Variants in TAF2 observed in about 807,000 individuals in gnomAD.
TAF2 encodes transcription initiation factor TFIID subunit 2.
A neutral mutation model predicts 138.5 loss-of-function variants in TAF2; 61 were observed. That is an observed-to-expected ratio of 0.44 (90% CI 0.36 to 0.54). The LOEUF (loss-of-function observed/expected upper bound fraction) is 0.54. TAF2 is among the 20% of genes least tolerant of loss of function. The pLI, the probability that TAF2 is intolerant of heterozygous loss-of-function variation, is 0.00. For synonymous variants in TAF2, 475 were observed against 469.9 expected (o/e 1.01, Z -0.14); for missense variants, 1,090 against 1,427.9 (o/e 0.76, Z 3.81).
chr8:119,802,061 A>G (rs949296248), intron 5 of TAF2, 36 bp from the exon 6 acceptor site: 33 of 1,520,394 alleles, frequency 2.2e-5, no homozygotes, highest in Non-Finnish European at 2.8e-5. Context: ...AAATGTATTC[A>G]AAGAGTTCTC....
intron 25 of TAF2, among the ~76,000 whole-genome samples, chr8:119,737,406 AT>A (rs2130977352): frequency 6.6e-6 from 1 of 152,234 alleles, no homozygotes; most frequent in South Asian, 2.1e-4. Flanking sequence ...AAGACTGACC[AT>A]GAACCAATTA....
chr8:119,799,979 G>A (rs13328369), intron 6 of TAF2, among the ~76,000 whole-genome samples: 5,180 of 152,132 alleles, frequency 0.034, 157 homozygotes, highest in South Asian at 0.11. Flanking sequence ...CATATCCTTC[G>A]CCCATTTTTT....
intron 18 of TAF2, among the ~76,000 whole-genome samples, chr8:119,764,711 A>G (rs931086630): frequency 6.6e-6 from 1 of 152,310 alleles, no homozygotes; most frequent in Non-Finnish European, 1.5e-5. Flanking sequence ...ATCACTATAC[A>G]AAGTAGAAAG....
intron 18 of TAF2, among the ~76,000 whole-genome samples, chr8:119,775,376 G>A (rs1355816072): frequency 6.6e-6 from 1 of 151,172 alleles, no homozygotes; most frequent in Non-Finnish European, 1.5e-5. Context: ...GGGTACATTT[G>A]AGGGCTTCCA....
rs1020816930 is a variant in TAF2, at chr8:119,744,991, G to A, written c.3109-598C>T. On this transcript the variant is annotated intron_variant, in intron 23 of 25. Transcript: ENST00000378164. ...GACTTCCTCTTCACTCCCTGCTGAT[G>A]AGCTGATATATTACATGATGCTTCC... 1.3e-5 allele frequency: 6 copies of A among 456,078 alleles called. No individual in the cohort carries two copies. The East Asian group carries it at 3.5e-4, about 26-fold the overall frequency. The allele number at this position is 456,078 out of a possible 1,614,324, so 28.3% of individuals were successfully genotyped here.
chr8:119,758,280 G>T (rs1336600522), intron 20 of TAF2, 138 bp from the exon 21 acceptor site: 4 of 710,748 alleles, frequency 5.6e-6, no homozygotes, highest in Non-Finnish European at 9.4e-6. Context: ...AAGGTTATAG[G>T]TAAGCTCTTA....
chr8:119,748,460 T>C (rs1253477192), intron 22 of TAF2, among the ~76,000 whole-genome samples: 1 of 151,054 alleles, frequency 6.6e-6, no homozygotes, highest in Non-Finnish European at 1.5e-5. Context: ...TATAATGTTG[T>C]GAAAGAGCTC....
chr8:119,786,679 T>TG (rs1554649609), intron 14 of TAF2, among the ~76,000 whole-genome samples: 1 of 152,106 alleles, frequency 6.6e-6, no homozygotes, highest in South Asian at 2.1e-4. Context: ...CCCAGCATTT[T>TG]GGGGGGCCGA....
chr8:119,791,415 A>G lies in TAF2; in HGVS notation c.1322T>C (p.Leu441Pro). ...LHFSIKHPHT[L>P]SWEYYSMFQC... Reference sequence around the variant, plus strand: ...AAACATACTGTAGTATTCCCAGGACAGTGTATGTGGATGCTTTATTGAAAA... The same window carrying G: ...AAACATACTGTAGTATTCCCAGGACGGTGTATGTGGATGCTTTATTGAAAA... The change falls in exon 11 of 26, where the codon CTG becomes CCG. Residue 441 changes from leucine to proline, a missense_variant. This residue lies in a region of TAF2 where 504 missense variants were observed against 680.9 expected (regional missense o/e 0.74). Transcript: ENST00000378164. The G allele has an allele frequency of 6.2e-7, 1 of 1,613,802 alleles. No homozygotes were observed. Among genetic ancestry groups the G allele is most frequent in the Admixed American group, 1.7e-5 (1 of 60,006 alleles).
At chr8:119,791,566 T>C in intron 10 of TAF2, 107 bp from the exon 11 acceptor site, 5 of 1,290,530 alleles carry the variant, frequency 3.9e-6, no homozygotes, top group South Asian at 2.7e-5. Flanking sequence ...CAGGAGAATA[T>C]ATAAGCAATT....
At chr8:119,800,361 T>C (rs1201501740) in intron 6 of TAF2, among the ~76,000 whole-genome samples, 1 of 152,230 alleles carries the variant, frequency 6.6e-6, no homozygotes, top group Non-Finnish European at 1.5e-5. Flanking sequence ...TTTCTACATA[T>C]GGCTAGCCAG....
intron 17 of TAF2, among the ~76,000 whole-genome samples, chr8:119,778,516 T>C (rs1261171595): frequency 1.3e-5 from 2 of 152,252 alleles, no homozygotes; most frequent in Non-Finnish European, 1.5e-5. Context: ...TAGCATTAGA[T>C]GGACCATTAT....
Position 119,757,924 on chromosome 8 carries a change from A to G in TAF2, c.2768+149T>C, listed in dbSNP as rs555180662. The G allele has an allele frequency of 4.6e-3, 3,435 of 740,878 alleles. 15 individuals are homozygous for G. The highest frequency in any genetic ancestry group is 6.4e-3 in the Non-Finnish European group (2,802 of 435,998). The allele number at this position is 740,878 out of a possible 1,614,324, so 45.9% of individuals were successfully genotyped here. A position where few individuals can be genotyped will look rare whatever the true frequency, so the allele number is the denominator to read the frequency against. On this transcript the variant is annotated intron_variant, in intron 21 of 25. Transcript: ENST00000378164. ...AAAAAAACAAATAACTTTTATGTTGAAAATCAAATTTAAAAAGGACATGAA... is the reference window on the plus strand; with the variant it reads ...AAAAAAACAAATAACTTTTATGTTGGAAATCAAATTTAAAAAGGACATGAA...
intron 25 of TAF2, among the ~76,000 whole-genome samples, chr8:119,733,172 GAAC>G (rs1475308286): frequency 2.0e-5 from 3 of 152,114 alleles, no homozygotes. Context: ...GCCATCTGGA[GAAC>G]AACTGATATA....
At chr8:119,789,771 A>C (rs753261600) in intron 11 of TAF2, 25 bp from the exon 12 acceptor site, 1 of 1,605,904 alleles carries the variant, frequency 6.2e-7, no homozygotes, top group South Asian at 1.1e-5. Flanking sequence ...TCATTTAGTA[A>C]ATTCATATAA....
intron 2 of TAF2, among the ~76,000 whole-genome samples, chr8:119,829,456 C>T (rs1405844788): frequency 6.6e-6 from 1 of 152,112 alleles, no homozygotes; most frequent in East Asian, 1.9e-4. Flanking sequence ...AGGGTTCCTC[C>T]ACCTCATGTT....
chr8:119,743,653 C>A (rs565850443), intron 24 of TAF2, among the ~76,000 whole-genome samples: 3 of 152,196 alleles, frequency 2.0e-5, no homozygotes, highest in Admixed American at 2.0e-4. Flanking sequence ...AGACATGTAT[C>A]TCACAATATA....
At chr8:119,775,267 A>G (rs796428147) in intron 18 of TAF2, among the ~76,000 whole-genome samples, 4 of 144,132 alleles carry the variant, frequency 2.8e-5, no homozygotes, top group African/African-American at 1.0e-4. Flanking sequence ...GCAACAAAGC[A>G]AGATTCCATC....
chr8:119,797,650 A>T lies in TAF2; in HGVS notation c.977+12T>A, dbSNP rs1185482560. The T allele has an allele frequency of 4.3e-6, 7 of 1,610,906 alleles. No individual in the cohort carries two copies. The highest frequency in any genetic ancestry group is 5.9e-6 in the Non-Finnish European group (7 of 1,178,022). On this transcript the variant is annotated intron_variant, in intron 7 of 25. Transcript: ENST00000378164. ...CTTAATTTAGGCATTTCAAATCTGA[A>T]GAGATACCAACCTAAAAATGCTCAT...
Sources: gnomAD v4.1 joint callset for allele counts (sites outside exome capture counted in the v4.1 genomes callset) on GRCh38, gnomAD v4.1.1 for gene constraint, gnomAD v4.1.1 regional missense constraint, MANE v1.5 for transcripts, NCBI Gene and HGNC (gene_info 2026-07-23, HGNC 2026-07-21) for gene names.